The following HS3ST2 variants were observed in gnomAD, a reference collection of about 807,000 sequenced individuals.
HS3ST2 encodes the protein heparan sulfate-glucosamine 3-sulfotransferase 2, also known as heparan sulfate glucosamine 3-O-sulfotransferase 2.
Under a neutral mutation model 26.3 loss-of-function variants are expected in HS3ST2, and 17 were observed. The ratio of observed to expected loss-of-function variants is 0.65; its 90% CI spans 0.44 to 0.97. HS3ST2 has a LOEUF of 0.97. Among genes scored for constraint, HS3ST2 ranks in the 50% least tolerant of loss-of-function variants. The pLI is 0.00. For missense variants in HS3ST2, 402 were observed against 501.2 expected (o/e 0.80, Z 1.89); for synonymous variants, 237 against 219.2 (o/e 1.08, Z -0.72).
At chr16:22,909,475 A>G (rs549780522) in intron 1 of HS3ST2, among the ~76,000 whole-genome samples, 191 of 152,306 alleles carry the variant, frequency 1.3e-3, no homozygotes, top group Middle Eastern at 3.4e-3. Flanking sequence ...AGCCCCAAGG[A>G]AGTCTAATCA....
chr16:22,876,477 T>A (rs901334297), intron 1 of HS3ST2, among the ~76,000 whole-genome samples: 19 of 152,128 alleles, frequency 1.2e-4, no homozygotes, highest in African/African-American at 3.4e-4. Context: ...TGCATATTTT[T>A]AAAAAAATTA....
intron 1 of HS3ST2, among the ~76,000 whole-genome samples, chr16:22,840,549 A>T (rs906081258): frequency 6.6e-6 from 1 of 151,758 alleles, no homozygotes; most frequent in African/African-American, 2.4e-5. Context: ...CGCCTGGCTA[A>T]TTTTTTTTAC....
At chr16:22,830,078 C>T (rs948762343) in intron 1 of HS3ST2, among the ~76,000 whole-genome samples, 3 of 152,154 alleles carry the variant, frequency 2.0e-5, no homozygotes, top group African/African-American at 4.8e-5. Flanking sequence ...GCAATCTCCA[C>T]CCCTCTTTAT....
chr16:22,890,036 A>C (rs997045912), intron 1 of HS3ST2, among the ~76,000 whole-genome samples: 2 of 152,246 alleles, frequency 1.3e-5, no homozygotes, highest in Non-Finnish European at 2.9e-5. Flanking sequence ...GATTCTTGGC[A>C]TAATAAGGAA....
chr16:22,832,237 T>C (rs1193498614), intron 1 of HS3ST2, among the ~76,000 whole-genome samples: 2 of 150,544 alleles, frequency 1.3e-5, no homozygotes, highest in Admixed American at 6.7e-5. Flanking sequence ...GATCAAGCAG[T>C]CCTCCCACTT....
chr16:22,885,928 T>G (rs1596626091), intron 1 of HS3ST2, among the ~76,000 whole-genome samples: 1 of 152,200 alleles, frequency 6.6e-6, no homozygotes, highest in Admixed American at 6.5e-5. Context: ...TCTCTCAGCC[T>G]GTCCCCAAGG....
At chr16:22,885,176 C>T (rs1160949848) in intron 1 of HS3ST2, among the ~76,000 whole-genome samples, 1 of 152,082 alleles carries the variant, frequency 6.6e-6, no homozygotes, top group African/African-American at 2.4e-5. Context: ...ATTGCCACCC[C>T]TCCCCCATCC....
At chr16:22,872,756 C>T (rs1251858614) in intron 1 of HS3ST2, among the ~76,000 whole-genome samples, 1 of 152,196 alleles carries the variant, frequency 6.6e-6, no homozygotes, top group Non-Finnish European at 1.5e-5. Context: ...ATACAAGATT[C>T]TCCCTAACAT....
chr16:22,898,887 G>A (rs144784447), intron 1 of HS3ST2, among the ~76,000 whole-genome samples: 70 of 152,240 alleles, frequency 4.6e-4, no homozygotes, highest in Non-Finnish European at 7.2e-4. Flanking sequence ...ATCCTGGTAC[G>A]ACAACAACAT....
intron 1 of HS3ST2, among the ~76,000 whole-genome samples, chr16:22,878,438 G>A (rs973940260): frequency 4.6e-5 from 7 of 152,162 alleles, no homozygotes; most frequent in African/African-American, 1.7e-4. Context: ...ACATGTTCGA[G>A]TCACACTAAC....
At chr16:22,865,845 T>G (rs538283804) in intron 1 of HS3ST2, among the ~76,000 whole-genome samples, 2 of 152,276 alleles carry the variant, frequency 1.3e-5, no homozygotes. Context: ...CCAAGTAGGA[T>G]TCCTTCTAAG....
intron 1 of HS3ST2, among the ~76,000 whole-genome samples, chr16:22,872,586 G>A (rs937194845): frequency 1.3e-5 from 2 of 152,082 alleles, no homozygotes; most frequent in African/African-American, 4.8e-5. Flanking sequence ...TTTAGATGGG[G>A]CACACCCTCT....
chr16:22,842,726 C>T (rs972075236), intron 1 of HS3ST2, among the ~76,000 whole-genome samples: 1 of 152,174 alleles, frequency 6.6e-6, no homozygotes, highest in Admixed American at 6.5e-5. Flanking sequence ...ACATGTTACA[C>T]CTTTGGATGC....
intron 1 of HS3ST2, among the ~76,000 whole-genome samples, chr16:22,849,102 C>CG (rs1386180033): frequency 1.3e-5 from 2 of 152,092 alleles, no homozygotes; most frequent in Non-Finnish European, 2.9e-5. Context: ...AATGATCTTC[C>CG]GTGTGGCATG....
chr16:22,871,598 C>A (rs1200623473), intron 1 of HS3ST2, among the ~76,000 whole-genome samples: 1 of 152,128 alleles, frequency 6.6e-6, no homozygotes, highest in African/African-American at 2.4e-5. Context: ...CTGTCTGTAT[C>A]CCCACAAAAA....
chr16:22,820,100 C>G (rs78914858), intron 1 of HS3ST2, among the ~76,000 whole-genome samples: 6 of 152,174 alleles, frequency 3.9e-5, no homozygotes, highest in Admixed American at 3.9e-4. Flanking sequence ...GGCCTTTATA[C>G]AGAAATTCCC....
At chr16:22,847,190 T>C (rs1212709490) in intron 1 of HS3ST2, among the ~76,000 whole-genome samples, 1 of 152,140 alleles carries the variant, frequency 6.6e-6, no homozygotes, top group Non-Finnish European at 1.5e-5. Context: ...TGAGTCCGTG[T>C]GTTCTCATCA....
At position 22,814,640 on chromosome 16, in the gene HS3ST2, G is replaced by A. The variant is rs376922851; in HGVS notation, c.30G>A (p.Gly10=). 9.2e-4 allele frequency: 1,426 copies of A among 1,554,616 alleles called. 19 individuals carry two copies. In the South Asian group the frequency reaches 0.012, roughly 13 times the overall value. MAYRVLGRA[G]PPQPRRARRL... is the part of the protein sequence containing the mutation. The stretch of plus-strand genomic sequence containing the variant: ...CCTATAGGGTCCTGGGCCGCGCGGG[G>A]CCACCTCAGCCGCGGAGGGCGCGCA... The change falls in exon 1 of 2, where the codon GGG becomes GGA. Residue 10 remains glycine, a synonymous_variant. Transcript: ENST00000261374.
intron 1 of HS3ST2, among the ~76,000 whole-genome samples, chr16:22,884,952 T>C (rs1321478052): frequency 6.6e-6 from 1 of 151,490 alleles, no homozygotes; most frequent in Admixed American, 6.6e-5. Context: ...GCGATTCTCA[T>C]GCCTCTGCCT....
Sources: allele counts gnomAD v4.1 joint callset (sites outside exome capture counted in the v4.1 genomes callset), GRCh38; gene constraint gnomAD v4.1.1; transcripts MANE v1.5; gene names NCBI Gene and HGNC (gene_info 2026-07-23, HGNC 2026-07-21).